The following NEDD9 variants were observed in gnomAD, a reference collection of about 807,000 sequenced individuals.
NEDD9 encodes neural precursor cell expressed, developmentally down-regulated 9.
A neutral mutation model predicts 76.6 loss-of-function variants in NEDD9; 26 were observed. The ratio of observed to expected loss-of-function variants is 0.34; its 90% CI spans 0.25 to 0.47. The LOEUF (loss-of-function observed/expected upper bound fraction) is 0.47. NEDD9 is among the 20% of genes least tolerant of loss of function. The pLI is 1.00. For synonymous variants in NEDD9, 392 were observed against 414.2 expected (o/e 0.95, Z 0.65); for missense variants, 937 against 1,058.5 (o/e 0.89, Z 1.59).
intron 2 of NEDD9, among the ~76,000 whole-genome samples, chr6:11,203,343 C>T (rs565971925): frequency 1.1e-3 from 166 of 152,252 alleles, no homozygotes; most frequent in African/African-American, 3.4e-3. Flanking sequence ...GGACTCTGAG[C>T]GCTACATCTA....
intron 4 of NEDD9, 92 bp from the exon 5 acceptor site, chr6:11,191,297 T>C (rs771976069): frequency 1.4e-6 from 2 of 1,387,728 alleles, no homozygotes; most frequent in Non-Finnish European, 1.9e-6. Context: ...GCTGGCACTT[T>C]TTCGGTCGCC....
intron 1 of NEDD9, among the ~76,000 whole-genome samples, chr6:11,378,283 C>A (rs1007129052): frequency 1.3e-5 from 2 of 151,956 alleles, no homozygotes; most frequent in African/African-American, 4.8e-5. Flanking sequence ...TGGCACCTCC[C>A]AGCTTTCTTG....
At position 11,292,055 on chromosome 6, in the gene NEDD9, G is replaced by A. The variant is rs9468809; in HGVS notation, c.12+13937C>T. Among the ~76,000 whole-genome samples, 1,138 of 152,224 alleles carry A rather than the reference G, an allele frequency of 7.5e-3. 12 individuals are homozygous for A. The highest frequency in any genetic ancestry group is 0.026 in the African/African-American group (1,098 of 41,530). On this transcript the variant is annotated intron_variant, in intron 3 of 3. Transcript: ENST00000397378. ...GTCTGGGTGGTTATTGATCATTTGG[G>A]GAAAATAGACTTACTTTAATCCTTC...
chr6:11,216,786 CTCCTTTCCATT>C (rs1486461208), intron 1 of NEDD9, among the ~76,000 whole-genome samples: 1 of 152,220 alleles, frequency 6.6e-6, no homozygotes, highest in Non-Finnish European at 1.5e-5. Context: ...CCCGCCTTGC[CTCCTTTCCATT>C]TGCAGTCCAG....
At chr6:11,305,410 C>A (rs7774907) in intron 3 of NEDD9, 1 of 243,878 alleles carries the variant, frequency 4.1e-6, no homozygotes. Context: ...CTATGCCATG[C>A]GATGATGCCT....
At chr6:11,305,533 T>A (rs1761160366) in intron 3 of NEDD9, among the ~76,000 whole-genome samples, 1 of 152,234 alleles carries the variant, frequency 6.6e-6, no homozygotes, top group Admixed American at 6.5e-5. Flanking sequence ...ATTTTCATCC[T>A]ACACTCTACT....
chr6:11,199,637 C>CTTTTTTTTTTTTTTTTTTTTTTTTT (rs59651160), intron 2 of NEDD9: 1 of 43,110 alleles, frequency 2.3e-5, no homozygotes, highest in Non-Finnish European at 4.3e-5. Flanking sequence ...TAGGAAAGAT[C>CTTTTTTTTTTTTTTTTTTTTTTTTT]TTTTTTTTTT....
intron 1 of NEDD9, among the ~76,000 whole-genome samples, chr6:11,335,093 C>T (rs1165290211): frequency 6.6e-6 from 1 of 150,740 alleles, no homozygotes; most frequent in Non-Finnish European, 1.5e-5. Context: ...TGAAAAAGCT[C>T]GGTAAGTGGG....
chr6:11,243,451 G>T (rs1759746824), intron 3 of NEDD9, among the ~76,000 whole-genome samples: 1 of 152,138 alleles, frequency 6.6e-6, no homozygotes, highest in East Asian at 1.9e-4. Flanking sequence ...CCTGTTGGTG[G>T]GCCTGTCCAG....
At chr6:11,286,154 C>T (rs1445327448) in intron 3 of NEDD9, among the ~76,000 whole-genome samples, 4 of 152,040 alleles carry the variant, frequency 2.6e-5, no homozygotes, top group Non-Finnish European at 5.9e-5. Context: ...AATAAGAAAA[C>T]AAACCAAATA....
chr6:11,315,664 C>A (rs924074779), intron 2 of NEDD9, among the ~76,000 whole-genome samples: 3 of 152,158 alleles, frequency 2.0e-5, no homozygotes, highest in Non-Finnish European at 4.4e-5. Flanking sequence ...ACTGAATGAT[C>A]ACTGGAGGGG....
At chr6:11,232,472 T>G (rs756944049) in intron 1 of NEDD9, 32 bp downstream of exon 1, 3 of 1,614,174 alleles carry the variant, frequency 1.9e-6, no homozygotes, top group Non-Finnish European at 2.5e-6. Flanking sequence ...GCTTTCAGCT[T>G]GCAAGGTAAC....
chr6:11,324,322 A>G (rs1393981762), intron 2 of NEDD9, among the ~76,000 whole-genome samples: 2 of 151,814 alleles, frequency 1.3e-5, no homozygotes, highest in East Asian at 3.9e-4. Context: ...CTGGTAGTGA[A>G]TCTCTGGCTG....
chr6:11,198,172 T>C lies in NEDD9; in HGVS notation c.460-4480A>G, dbSNP rs1359427951. 1 of 152,220 alleles carries C rather than the reference T, an allele frequency of 6.6e-6. No homozygotes were observed. Among genetic ancestry groups the C allele is most frequent in the African/African-American group, 2.4e-5 (1 of 41,454 alleles). 9.4% of individuals were successfully genotyped at this position (152,220 alleles called of 1,614,324 possible). On this transcript the variant is annotated intron_variant, in intron 2 of 6. Transcript: ENST00000379446. This position sits in a 1 kb window ranked among gnomAD's most constrained non-coding sequence, Gnocchi z 4.7. Reference sequence around the variant, plus strand: ...GTTTTCAGAAGCCAGAAATTTGGAATTTTATGTGAAACCTGGTTTTCAAAA... The same window carrying C: ...GTTTTCAGAAGCCAGAAATTTGGAACTTTATGTGAAACCTGGTTTTCAAAA...
chr6:11,295,764 G>C (rs1032910353), intron 3 of NEDD9, among the ~76,000 whole-genome samples: 1 of 152,076 alleles, frequency 6.6e-6, no homozygotes, highest in Non-Finnish European at 1.5e-5. Context: ...CTCTTGCCTT[G>C]ACAGTTTCCC....
chr6:11,185,802 C>A (rs1199449254), intron 6 of NEDD9, 131 bp from the exon 7 acceptor site: 1 of 1,089,016 alleles, frequency 9.2e-7, no homozygotes, highest in South Asian at 1.6e-5. Context: ...AGCTGTAAAG[C>A]CTGGGTCAAG....
rs573193535 is a variant in NEDD9 at position 11,270,933 on chromosome 6, G to C, written c.12+35059C>G. Among the ~76,000 whole-genome samples the C allele has an allele frequency of 8.5e-5, 13 of 152,336 alleles. No individual in the cohort carries two copies. The East Asian group carries it at 2.5e-3, about 29-fold the overall frequency. ...GTTAGATGACTGGAGAAGGGAATTG[G>C]GGGTGGGAAATGCAGAATTCCAATC... On this transcript the variant is annotated intron_variant, in intron 3 of 3. Transcript: ENST00000397378.
At chr6:11,293,383 A>G (rs4713347) in intron 3 of NEDD9, among the ~76,000 whole-genome samples, 51,616 of 151,944 alleles carry the variant, frequency 0.34, 10,283 homozygotes, top group African/African-American at 0.56. Context: ...GCAGCCCAGG[A>G]TTGGGCCAAA....
chr6:11,235,250 GATT>G (rs560722576), upstream of NEDD9, among the ~76,000 whole-genome samples: 168 of 152,000 alleles, frequency 1.1e-3, no homozygotes, highest in African/African-American at 3.8e-3. This position sits in a 1 kb window ranked among gnomAD's most constrained non-coding sequence, Gnocchi z 4.1. Flanking sequence ...ATATTCTATA[GATT>G]ATTATTTAAT....
Sources: gnomAD v4.1 joint callset for allele counts (sites outside exome capture counted in the v4.1 genomes callset) on GRCh38, gnomAD v4.1.1 for gene constraint, Gnocchi (gnomAD v3.1) non-coding constraint, MANE v1.5 for transcripts, NCBI Gene and HGNC (gene_info 2026-07-23, HGNC 2026-07-21) for gene names.